The following DPP6 variants were observed in gnomAD, a reference collection of about 807,000 sequenced individuals.
The protein encoded by DPP6 is dipeptidyl peptidase like 6, also known as A-type potassium channel modulatory protein DPP6.
In DPP6, 69 loss-of-function variants were observed where a neutral mutation model predicts 122.6. The observed-to-expected ratio is 0.56, with a 90% confidence interval of 0.46 to 0.69. DPP6 has a LOEUF of 0.69. Ranked by LOEUF, DPP6 falls within the 30% of genes least tolerant of loss-of-function variation. The probability of loss-of-function intolerance (pLI) is 0.00; values close to 1 mark genes in which losing one functional copy is unlikely to be tolerated. For missense variants in DPP6, 928 were observed against 1,116.9 expected (o/e 0.83, Z 2.41); for synonymous variants, 418 against 433.1 (o/e 0.97, Z 0.43).
intron 3 of DPP6, among the ~76,000 whole-genome samples, chr7:154,515,983 A>T (rs1826465779): frequency 6.6e-6 from 1 of 152,206 alleles, no homozygotes; most frequent in Non-Finnish European, 1.5e-5. Flanking sequence ...AGAGCTCAGT[A>T]AATTTTGCCA....
intron 9 of DPP6, among the ~76,000 whole-genome samples, chr7:154,769,829 G>A (rs1796143320): frequency 6.6e-6 from 1 of 152,140 alleles, no homozygotes; most frequent in Non-Finnish European, 1.5e-5. Flanking sequence ...AACACACAGG[G>A]TACCTCCCCT....
At chr7:154,386,127 C>T (rs1273385488) in intron 1 of DPP6, among the ~76,000 whole-genome samples, 1 of 152,142 alleles carries the variant, frequency 6.6e-6, no homozygotes, top group African/African-American at 2.4e-5. Context: ...CTTATTTTCC[C>T]TAAAGTGACA....
At chr7:154,049,301 T>G (rs1800174183), upstream of DPP6, among the ~76,000 whole-genome samples, 1 of 108,622 alleles carries the variant, frequency 9.2e-6, no homozygotes, top group South Asian at 2.8e-4. Context: ...TCTTTTTCCT[T>G]GTTTGTGTGT....
intron 7 of DPP6, among the ~76,000 whole-genome samples, chr7:154,695,944 C>T (rs942891694): frequency 5.7e-4 from 87 of 152,294 alleles, no homozygotes; most frequent in African/African-American, 2.0e-3. Context: ...CAGGTCTCAG[C>T]CCCTTCATGG....
intron 10 of DPP6, among the ~76,000 whole-genome samples, chr7:154,779,737 G>T (rs1563202532): frequency 6.6e-6 from 1 of 152,078 alleles, no homozygotes; most frequent in Non-Finnish European, 1.5e-5. Flanking sequence ...ACATCTTCAG[G>T]TGATTCCTAA....
chr7:153,999,375 A>G (rs527398393), intron 1 of DPP6, among the ~76,000 whole-genome samples: 2 of 152,340 alleles, frequency 1.3e-5, no homozygotes, highest in African/African-American at 2.4e-5. Flanking sequence ...ATTGTTGACT[A>G]TTCTGTGAAA....
intron 1 of DPP6, among the ~76,000 whole-genome samples, chr7:154,391,495 G>T (rs1394597550): frequency 6.6e-6 from 1 of 152,158 alleles, no homozygotes; most frequent in Non-Finnish European, 1.5e-5. Flanking sequence ...AATTCAGCTC[G>T]TCTTAAACTG....
chr7:154,509,620 C>T (rs975778160), intron 3 of DPP6, among the ~76,000 whole-genome samples: 2 of 152,104 alleles, frequency 1.3e-5, no homozygotes, highest in Admixed American at 1.3e-4. Context: ...CAATTTCATT[C>T]CCAGCTATAT....
At chr7:154,335,071 G>C (rs12539342) in intron 1 of DPP6, among the ~76,000 whole-genome samples, 1 of 152,066 alleles carries the variant, frequency 6.6e-6, no homozygotes, top group Non-Finnish European at 1.5e-5. Context: ...ATGCTTAAGC[G>C]TGGAAAACAG....
chr7:154,303,085 G>A (rs568322643), intron 1 of DPP6, among the ~76,000 whole-genome samples: 7 of 152,304 alleles, frequency 4.6e-5, no homozygotes, highest in Middle Eastern at 3.4e-3. Context: ...AGGTTCAAGC[G>A]ATTCTCCTGC....
At chr7:154,765,217 C>A (rs1373806521) in intron 8 of DPP6, among the ~76,000 whole-genome samples, 1 of 152,186 alleles carries the variant, frequency 6.6e-6, no homozygotes, top group East Asian at 1.9e-4. Context: ...TCATTGTTAA[C>A]CAGAATGTGC....
chr7:154,190,721 A>T (rs1178161471), intron 1 of DPP6, among the ~76,000 whole-genome samples: 2 of 151,538 alleles, frequency 1.3e-5, no homozygotes, highest in African/African-American at 4.9e-5. Flanking sequence ...AATAGAGTCC[A>T]TTTTTTTTCC....
At chr7:154,849,031 T>C (rs919373015) in intron 16 of DPP6, among the ~76,000 whole-genome samples, 4 of 152,252 alleles carry the variant, frequency 2.6e-5, no homozygotes, top group Non-Finnish European at 5.9e-5. Flanking sequence ...TGTCTGTTTT[T>C]ATGTTAGTAC....
At chr7:154,573,319 G>A (rs969804501) in intron 5 of DPP6, among the ~76,000 whole-genome samples, 1 of 152,168 alleles carries the variant, frequency 6.6e-6, no homozygotes, top group African/African-American at 2.4e-5. Flanking sequence ...CTGAAGAGCA[G>A]GGCCTGCGTG....
At chr7:154,031,746 TA>T (rs1799240857) in intron 1 of DPP6, among the ~76,000 whole-genome samples, 1 of 152,050 alleles carries the variant, frequency 6.6e-6, no homozygotes, top group Non-Finnish European at 1.5e-5. Flanking sequence ...TTGGAGAATC[TA>T]GCATTTCTGG....
At chr7:154,718,758 G>A (rs1841638202) in intron 7 of DPP6, among the ~76,000 whole-genome samples, 1 of 150,914 alleles carries the variant, frequency 6.6e-6, no homozygotes. Context: ...TCCAGCCTCA[G>A]TGTCCCAAGT....
chr7:154,317,176 C>G (rs112964179), intron 1 of DPP6, among the ~76,000 whole-genome samples: 191 of 152,244 alleles, frequency 1.3e-3, no homozygotes, highest in African/African-American at 4.5e-3. Flanking sequence ...AAGTAGTTTA[C>G]TTTTCCTTCA....
intron 3 of DPP6, among the ~76,000 whole-genome samples, chr7:154,525,770 T>A (rs546654695): frequency 6.7e-6 from 1 of 150,342 alleles, no homozygotes; most frequent in Non-Finnish European, 1.5e-5. Context: ...TTTTTTGAGT[T>A]TTGCTTCTTG....
chr7:154,702,177 T>G (rs1196826530), intron 7 of DPP6, among the ~76,000 whole-genome samples: 1 of 152,244 alleles, frequency 6.6e-6, no homozygotes, highest in African/African-American at 2.4e-5. Context: ...TAATAAACAT[T>G]GTGTGTTCTG....
Sources: allele counts gnomAD v4.1 joint callset (sites outside exome capture counted in the v4.1 genomes callset), GRCh38; gene constraint gnomAD v4.1.1; transcripts MANE v1.5; gene names NCBI Gene and HGNC (gene_info 2026-07-23, HGNC 2026-07-21).